MARCHF1: variants seen among roughly 807,000 people sequenced by gnomAD.
MARCHF1 encodes the protein E3 ubiquitin-protein ligase MARCHF1.
A neutral mutation model predicts 54.2 loss-of-function variants in MARCHF1; 40 were observed. That is an observed-to-expected ratio of 0.74 (90% CI 0.57 to 0.96). MARCHF1 has a LOEUF of 0.96. Ranked by LOEUF, MARCHF1 falls within the 40% of genes least tolerant of loss-of-function variation. The pLI is 0.00. For missense variants in MARCHF1, 586 were observed against 656.5 expected, an observed-to-expected ratio of 0.89 and a Z score of 1.17; for synonymous variants, 236 against 236.3, an observed-to-expected ratio of 1.00 and a Z score of 0.01.
chr4:164,207,539 G>A (rs1460757511), intron 1 of MARCHF1, among the ~76,000 whole-genome samples: 2 of 152,274 alleles, frequency 1.3e-5, no homozygotes, highest in Non-Finnish European at 1.5e-5. Flanking sequence ...TGACTGGGCC[G>A]GAAAGAGATA....
In MARCHF1 at chr4:164,137,040, C is replaced by T. The variant is rs184052065; in HGVS notation, c.-322-25378G>A. Among the ~76,000 whole-genome samples, 211 of 152,062 alleles carry T rather than the reference C, an allele frequency of 1.4e-3. 2 individuals carry two copies. The highest frequency in any genetic ancestry group is 4.7e-3 in the African/African-American group (196 of 41,492). ...TTAGGCCCCAAAGGATTGAAAGAAA[C>T]GAATTGTCTAAACAATTTGTTCATA... On this transcript the variant is annotated intron_variant, in intron 1 of 9. Transcript: ENST00000514618.
intron 1 of MARCHF1, among the ~76,000 whole-genome samples, chr4:164,296,396 C>T (rs928093846): frequency 3.3e-5 from 5 of 151,946 alleles, no homozygotes; most frequent in Admixed American, 1.3e-4. Context: ...TTCTGGAGAG[C>T]GAGTCTCGCT....
At chr4:163,529,577 C>G (rs1738274613) in intron 9 of MARCHF1, among the ~76,000 whole-genome samples, 1 of 151,916 alleles carries the variant, frequency 6.6e-6, no homozygotes, top group Non-Finnish European at 1.5e-5. Flanking sequence ...AAGGAAAAAG[C>G]TGCCACATCT....
intron 1 of MARCHF1, among the ~76,000 whole-genome samples, chr4:164,201,739 A>G (rs1180823049): frequency 6.6e-6 from 1 of 152,194 alleles, no homozygotes; most frequent in Non-Finnish European, 1.5e-5. Flanking sequence ...GTGTCATCTC[A>G]ATGGGGAAGA....
At chr4:164,329,367 A>AT (rs779176475) in intron 1 of MARCHF1, among the ~76,000 whole-genome samples, 1 of 152,204 alleles carries the variant, frequency 6.6e-6, no homozygotes, top group Non-Finnish European at 1.5e-5. Context: ...CCAGCATGTG[A>AT]TTTAAAAATA....
At chr4:163,654,996 A>G (rs1743091020) in intron 5 of MARCHF1, among the ~76,000 whole-genome samples, 1 of 151,454 alleles carries the variant, frequency 6.6e-6, no homozygotes, top group Non-Finnish European at 1.5e-5. Context: ...TATCTTGTTC[A>G]AATTTAATTT....
At chr4:164,352,066 G>T (rs953620024) in intron 1 of MARCHF1, among the ~76,000 whole-genome samples, 79 of 126,410 alleles carry the variant, frequency 6.2e-4, no homozygotes, top group Non-Finnish European at 1.1e-3. Context: ...AGAGAAAAAA[G>T]AATAAAAAGA....
At chr4:164,013,379 G>A (rs1394368266) in intron 2 of MARCHF1, among the ~76,000 whole-genome samples, 2 of 151,996 alleles carry the variant, frequency 1.3e-5, no homozygotes, top group Non-Finnish European at 2.9e-5. Context: ...GATAGAAGGA[G>A]AATAAAGAAT....
intron 3 of MARCHF1, among the ~76,000 whole-genome samples, chr4:163,934,983 T>G (rs1170986254): frequency 6.6e-6 from 1 of 152,060 alleles, no homozygotes; most frequent in Non-Finnish European, 1.5e-5. Flanking sequence ...GCAGCTACAG[T>G]ACAGCCTTAA....
intron 3 of MARCHF1, among the ~76,000 whole-genome samples, chr4:163,918,789 C>CA (rs879392302): frequency 1.6e-4 from 24 of 150,972 alleles, no homozygotes; most frequent in African/African-American, 4.6e-4. Context: ...CAGTTAGGAG[C>CA]AAAAAAAATG....
intron 4 of MARCHF1, among the ~76,000 whole-genome samples, chr4:163,848,453 A>AT (rs1391980478): frequency 1.3e-5 from 2 of 152,110 alleles, no homozygotes; most frequent in South Asian, 2.1e-4. Context: ...CTAAAATGAC[A>AT]TTTTTTTAAT....
At chr4:163,561,108 A>G (rs1194664546) in intron 8 of MARCHF1, among the ~76,000 whole-genome samples, 1 of 152,208 alleles carries the variant, frequency 6.6e-6, no homozygotes, top group Non-Finnish European at 1.5e-5. Flanking sequence ...AACATGCTTC[A>G]ATGATAACTG....
intron 1 of MARCHF1, among the ~76,000 whole-genome samples, chr4:164,120,319 C>A (rs2110770549): frequency 6.6e-6 from 1 of 152,166 alleles, no homozygotes; most frequent in Non-Finnish European, 1.5e-5. Context: ...AACACCGGAG[C>A]ACCCAGATAC....
At chr4:163,570,168 A>C (rs1035679486) in intron 8 of MARCHF1, among the ~76,000 whole-genome samples, 1 of 152,070 alleles carries the variant, frequency 6.6e-6, no homozygotes, top group African/African-American at 2.4e-5. Context: ...TTGAACCCCC[A>C]CAATCATCTA....
At chr4:163,711,298 T>C (rs995171192) in intron 4 of MARCHF1, among the ~76,000 whole-genome samples, 2 of 152,210 alleles carry the variant, frequency 1.3e-5, no homozygotes, top group African/African-American at 4.8e-5. Flanking sequence ...CCACTGAGTT[T>C]TAAGATCTTT....
At chr4:164,134,817 G>C (rs1263106679) in intron 1 of MARCHF1, among the ~76,000 whole-genome samples, 1 of 147,476 alleles carries the variant, frequency 6.8e-6, no homozygotes, top group Admixed American at 6.8e-5. Context: ...ACAAAAACAA[G>C]TATTATGGAG....
chr4:163,995,741 C>T (rs190411036), intron 2 of MARCHF1, among the ~76,000 whole-genome samples: 94 of 152,128 alleles, frequency 6.2e-4, no homozygotes, highest in African/African-American at 8.4e-4. Context: ...AAGCACCCTA[C>T]CATTTGACGA....
intron 3 of MARCHF1, among the ~76,000 whole-genome samples, chr4:163,890,844 G>C (rs1194813263): frequency 6.6e-6 from 1 of 151,692 alleles, no homozygotes; most frequent in African/African-American, 2.4e-5. Flanking sequence ...TATTAATCTG[G>C]TACAAGTTAG....
At chr4:163,714,284 G>A (rs749575838) in intron 4 of MARCHF1, among the ~76,000 whole-genome samples, 11 of 152,154 alleles carry the variant, frequency 7.2e-5, no homozygotes, top group Non-Finnish European at 1.5e-4. Context: ...AATATGCAAT[G>A]TAAGTTAAAA....
Sources: gnomAD v4.1 joint callset for allele counts (sites outside exome capture counted in the v4.1 genomes callset) on GRCh38, gnomAD v4.1.1 for gene constraint, MANE v1.5 for transcripts, NCBI Gene and HGNC (gene_info 2026-07-23, HGNC 2026-07-21) for gene names.